The following DMD variants were observed in gnomAD, a reference collection of about 807,000 sequenced individuals.
DMD encodes mutant dystrophin.
In DMD, 63 loss-of-function variants were observed where a neutral mutation model predicts 330.1. The ratio of observed to expected loss-of-function variants is 0.19; its 90% CI spans 0.16 to 0.24. The LOEUF is 0.24. Ranked by LOEUF, DMD falls within the 10% of genes least tolerant of loss-of-function variation. DMD has a pLI of 1.00. For synonymous variants in DMD, 1,223 were observed against 959.8 expected (o/e 1.27, Z -5.07); for missense variants, 3,344 against 2,684.1 (o/e 1.25, Z -5.43).
At position 33,119,613 on chromosome X, in the gene DMD, G is replaced by GA. The variant is rs201389312; in HGVS notation, c.31+91668dup. On this transcript the variant is annotated intron_variant, in intron 1 of 78. Transcript: ENST00000357033. ...ATGGCTGAAATGCAGCAAGACTGCA[G>GA]AAGAAAAGGAAGAAAAATGAAGTGT... Among the ~76,000 whole-genome samples, 445 of 111,771 alleles carry GA rather than the reference G, an allele frequency of 4.0e-3. 1 individual carries two copies. The highest frequency in any genetic ancestry group is 0.014 in the African/African-American group (429 of 30,744).
Position 32,067,461 on chromosome X carries a change from T to C in DMD, c.6439-98947A>G, listed in dbSNP as rs1396340222. Reference sequence around the variant, plus strand: ...ACAAATGATCCCATTAACCAGGTAGTAAGCATAGTACACAATAGGCAGCTT... The same window carrying C: ...ACAAATGATCCCATTAACCAGGTAGCAAGCATAGTACACAATAGGCAGCTT... On this transcript the variant is annotated intron_variant, in intron 44 of 78. Coordinates refer to ENST00000357033, the MANE Select transcript of DMD (RefSeq NM_004006.3). 4.5e-5 allele frequency among the ~76,000 whole-genome samples: 5 copies of C among 111,026 alleles called. No homozygotes were observed. In the Admixed American group the frequency reaches 4.8e-4, roughly 11 times the overall value.
chrX:32,312,629 T>A (rs900882371), intron 41 of DMD, among the ~76,000 whole-genome samples: 1 of 109,677 alleles, frequency 9.1e-6, no homozygotes, highest in Non-Finnish European at 1.9e-5. Flanking sequence ...TGCCAATGAA[T>A]CCAGGAGCTG....
At chrX:32,705,217 AAATT>A (rs2064509572) in intron 7 of DMD, among the ~76,000 whole-genome samples, 2 of 111,703 alleles carry the variant, frequency 1.8e-5, no homozygotes, top group Admixed American at 1.9e-4. Context: ...TGCCTTAGCT[AAATT>A]AAGTACTCCT....
At chrX:32,651,624 T>G (rs770369712) in intron 9 of DMD, among the ~76,000 whole-genome samples, 16 of 111,127 alleles carry the variant, frequency 1.4e-4, no homozygotes, top group Admixed American at 6.7e-4. Context: ...CTGAGGAAGA[T>G]ACCAGAATAC....
At chrX:32,402,112 C>G (rs774971917) in intron 30 of DMD, among the ~76,000 whole-genome samples, 1 of 111,630 alleles carries the variant, frequency 9.0e-6, no homozygotes, top group South Asian at 3.7e-4. Flanking sequence ...ACAATGGGAA[C>G]ATTATGATAT....
intron 29 of DMD, chrX:32,412,244 T>G: frequency 9.9e-7 from 1 of 1,013,344 alleles, no homozygotes; most frequent in Non-Finnish European, 1.3e-6. Flanking sequence ...ATGTTCCTCC[T>G]GATCTCATTA....
intron 3 of DMD, among the ~76,000 whole-genome samples, chrX:32,848,354 TCA>T (rs1336334056): frequency 1.8e-5 from 2 of 112,055 alleles, no homozygotes; most frequent in Non-Finnish European, 3.8e-5. Context: ...TGTAAATTGT[TCA>T]CAGTCATAGG....
chrX:31,380,257 T>TA (rs1747100446), intron 60 of DMD, among the ~76,000 whole-genome samples: 1 of 109,665 alleles, frequency 9.1e-6, no homozygotes, highest in Non-Finnish European at 1.9e-5. Flanking sequence ...CCCAGTTCCC[T>TA]ATTAGGCCGA....
At chrX:31,876,869 C>T (rs1352656672) in intron 47 of DMD, among the ~76,000 whole-genome samples, 1 of 110,860 alleles carries the variant, frequency 9.0e-6, no homozygotes, top group African/African-American at 3.3e-5. Flanking sequence ...CACTGTAATA[C>T]AAAATATTAC....
At chrX:32,658,809 G>A (rs16990551) in intron 9 of DMD, among the ~76,000 whole-genome samples, 1,781 of 111,536 alleles carry the variant, frequency 0.016, 42 homozygotes, top group African/African-American at 0.054. Context: ...GGCCGCATTC[G>A]GGAAACTTTA....
chrX:32,255,613 A>C (rs963849815), intron 43 of DMD, among the ~76,000 whole-genome samples: 1 of 112,205 alleles, frequency 8.9e-6, no homozygotes, highest in Non-Finnish European at 1.9e-5. Flanking sequence ...AACAGTTAAA[A>C]GACCTTTCAT....
rs984988217 is a variant in DMD, at chrX:32,287,638, C to T, written c.6181G>A (p.Ala2061Thr). The change falls in exon 43 of 79, where the codon GCA becomes ACA. Residue 2061 changes from alanine (A) to threonine (T), a missense_variant. Coordinates refer to ENST00000357033, the MANE Select transcript of DMD (RefSeq NM_004006.3). ...RIDIIHSKKT[A>T]ALQSATPVER... ...ACAGGCGTTGCACTTTGCAATGCTGCTGTCTTCTTGCTATGAATAATGTCA... is the reference window on the plus strand; with the variant it reads ...ACAGGCGTTGCACTTTGCAATGCTGTTGTCTTCTTGCTATGAATAATGTCA... 9.9e-6 allele frequency: 12 copies of T among 1,209,800 alleles called. No individual in the cohort carries two copies. The East Asian group carries it at 3.5e-4, about 36-fold the overall frequency.
intron 1 of DMD, among the ~76,000 whole-genome samples, chrX:33,306,068 A>G (rs966196629): frequency 1.8e-5 from 2 of 111,875 alleles, no homozygotes; most frequent in Non-Finnish European, 3.8e-5. Context: ...CACACAATGG[A>G]TAGGTATTTC....
chrX:31,449,659 C>T (rs1386658445), intron 59 of DMD, among the ~76,000 whole-genome samples: 2 of 106,172 alleles, frequency 1.9e-5, no homozygotes, highest in East Asian at 5.9e-4. Context: ...TAAAAGGCCA[C>T]AGCAGGAGTA....
In DMD at chrX:31,926,403, G is replaced by A. The variant is rs962300371; in HGVS notation, c.6912+3193C>T. 1.1e-4 allele frequency among the ~76,000 whole-genome samples: 12 copies of A among 111,526 alleles called. 1 individual carries two copies. Among genetic ancestry groups the A allele is most frequent in the Admixed American group, 6.7e-4 (7 of 10,445 alleles). On this transcript the variant is annotated intron_variant, in intron 47 of 78. Transcript: ENST00000357033. ...TGAAATATAAATGTACAGGCCGGGC[G>A]CGGTGGCTCACACCTGTAATCCCCG...
At chrX:32,341,135 A>G (rs1432311378) in intron 41 of DMD, among the ~76,000 whole-genome samples, 1 of 111,950 alleles carries the variant, frequency 8.9e-6, no homozygotes, top group African/African-American at 3.2e-5. Flanking sequence ...AGTCTCATAC[A>G]TGGGCTGAAC....
intron 2 of DMD, among the ~76,000 whole-genome samples, chrX:32,964,050 C>T (rs981814057): frequency 1.8e-5 from 2 of 108,958 alleles, no homozygotes; most frequent in Admixed American, 9.8e-5. Context: ...GTCAAGAGAT[C>T]GAGACCGTCC....
chrX:32,272,638 T>C (rs1156393839), intron 43 of DMD, among the ~76,000 whole-genome samples: 2 of 111,791 alleles, frequency 1.8e-5, no homozygotes, highest in African/African-American at 3.2e-5. Flanking sequence ...ACATACTTCA[T>C]GTGTGAGCTT....
chrX:31,416,780 T>C (rs947511304), intron 60 of DMD, among the ~76,000 whole-genome samples: 4 of 112,107 alleles, frequency 3.6e-5, no homozygotes, highest in African/African-American at 6.5e-5. Flanking sequence ...ACCTAATAGT[T>C]GCACGTGACC....
Sources: allele counts gnomAD v4.1 joint callset (sites outside exome capture counted in the v4.1 genomes callset), GRCh38; gene constraint gnomAD v4.1.1; transcripts MANE v1.5; gene names NCBI Gene and HGNC (gene_info 2026-07-23, HGNC 2026-07-21).